RHCG: variants seen among roughly 807,000 people sequenced by gnomAD.
RHCG encodes Rh family C glycoprotein.
Under a neutral mutation model 55.3 loss-of-function variants are expected in RHCG, and 39 were observed. The observed-to-expected ratio is 0.70, with a 90% CI of 0.55 to 0.92. The LOEUF is 0.92. Among genes scored for constraint, RHCG ranks in the 40% least tolerant of loss-of-function variants. The probability of loss-of-function intolerance (pLI) is 0.00; values close to 1 mark genes in which losing one functional copy is unlikely to be tolerated. For synonymous variants in RHCG, 250 were observed against 246.8 expected (o/e 1.01, Z -0.12); for missense variants, 635 against 627.9 (o/e 1.01, Z -0.12).
At chr15:89,478,317 G>C (rs916421919) in intron 5 of RHCG, among the ~76,000 whole-genome samples, 7 of 152,178 alleles carry the variant, frequency 4.6e-5, no homozygotes, top group African/African-American at 1.7e-4. Flanking sequence ...ATGTCTGAAC[G>C]TTCTTGCCAT....
intron 5 of RHCG, among the ~76,000 whole-genome samples, chr15:89,479,102 A>AAAAAC (rs533536120): frequency 5.3e-5 from 8 of 151,696 alleles, no homozygotes; most frequent in South Asian, 2.1e-4. Flanking sequence ...TCCATCTCAA[A>AAAAAC]AAAACAAAAC....
chr15:89,472,040 A>G (rs1008048096), intron 10 of RHCG, among the ~76,000 whole-genome samples, 185 bp from the exon 11 acceptor site: 2 of 152,192 alleles, frequency 1.3e-5, no homozygotes, highest in Non-Finnish European at 2.9e-5. Flanking sequence ...AGCTATTGCC[A>G]AGCTCTGGCC....
intron 1 of RHCG, among the ~76,000 whole-genome samples, chr15:89,488,770 G>C (rs1961419008): frequency 8.7e-6 from 1 of 114,906 alleles, no homozygotes; most frequent in African/African-American, 3.4e-5. Flanking sequence ...GGGGCTGGGA[G>C]AATGGGGGGG....
At chr15:89,491,510 T>C (rs887850451) in intron 1 of RHCG, among the ~76,000 whole-genome samples, 17 of 152,230 alleles carry the variant, frequency 1.1e-4, no homozygotes, top group African/African-American at 3.9e-4. Context: ...CTCATGACTG[T>C]AATCCCAGCA....
chr15:89,495,252 G>T (rs932928835), intron 1 of RHCG, among the ~76,000 whole-genome samples: 1 of 152,158 alleles, frequency 6.6e-6, no homozygotes, highest in Non-Finnish European at 1.5e-5. Context: ...CCCCCCAAAC[G>T]CAGTCTTTTT....
Position 89,477,416 on chromosome 15 carries a change from A to G in RHCG, c.1112+101T>C. ...AACAATTGGTCCAGAGTGGGGAAGG[A>G]AAGGGAGAAAGATGCAGTCGGGTCC... On this transcript the variant is annotated intron_variant, in intron 7 of 10. Transcript: ENST00000268122. The surrounding 1 kb of genome is among the most constrained non-coding windows in gnomAD (Gnocchi z 4.5). 6.6e-7 allele frequency: 1 copy of G among 1,515,108 alleles called. No homozygotes were observed. Among genetic ancestry groups the G allele is most frequent in the Admixed American group, 1.8e-5 (1 of 54,228 alleles). The allele number at this position is 1,515,108 out of a possible 1,614,324, so 93.9% of individuals were successfully genotyped here.
chr15:89,496,317 G>T, intron 1 of RHCG, 44 bp downstream of exon 1: 1 of 1,604,824 alleles, frequency 6.2e-7, no homozygotes, highest in South Asian at 1.1e-5. Context: ...GGTGGGGACC[G>T]GCGCGGATAT....
rs28449700 is a variant in RHCG at position 89,494,665 on chromosome 15, T to C, written c.184+1696A>G. On this transcript the variant is annotated intron_variant, in intron 1 of 10. Coordinates refer to ENST00000268122, the MANE Select transcript of RHCG (RefSeq NM_016321.3). ...TTTTTTTTTTTGAAAGGGAGAGAGA[T>C]AGAGATTCACTCTGTCACCTAGGCT... 8.5e-3 allele frequency among the ~76,000 whole-genome samples: 1,269 copies of C among 149,504 alleles called. 17 individuals carry two copies. The highest frequency in any genetic ancestry group is 0.029 in the African/African-American group (1,185 of 40,380).
At chr15:89,481,924 C>T (rs538061380) in intron 3 of RHCG, among the ~76,000 whole-genome samples, 1 of 152,178 alleles carries the variant, frequency 6.6e-6, no homozygotes, top group African/African-American at 2.4e-5. Flanking sequence ...GCCTCAGCCT[C>T]CAGAGTAGCT....
At position 89,474,796 on chromosome 15, in the gene RHCG, T is replaced by C. The variant is rs866693183; in HGVS notation, c.1312-1933A>G. ...TTCCTTCCTGCCTGCCTTCCTTCCT[T>C]CCTGCCTGCCTTCCTTCCTGCCTGC... is the stretch of plus-strand genomic sequence containing the variant. On this transcript the variant is annotated intron_variant, in intron 9 of 10. Coordinates refer to ENST00000268122, the MANE Select transcript of RHCG (RefSeq NM_016321.3). 1.1e-4 allele frequency among the ~76,000 whole-genome samples: 14 copies of C among 130,256 alleles called. No individual in the cohort carries two copies. In the East Asian group the frequency reaches 3.0e-3, roughly 28 times the overall value. 85.5% of individuals were successfully genotyped at this position (130,256 alleles called of 152,430 possible).
Position 89,486,969 on chromosome 15 carries a change from G to T in RHCG, c.201C>A (p.His67Gln), listed in dbSNP as rs994251083. The stretch of plus-strand genomic sequence containing the variant: ...AGCCGAAGCCCACGAAGACCATCAC[G>T]TGCACGTCCTGGAAGCCTGCGGGGA... ...YYRYPSFQDV[H>Q]VMVFVGFGFL... The change falls in exon 2 of 11, where the codon CAC (histidine) becomes CAA (glutamine). Residue 67 changes from histidine (H) to glutamine (Q), a missense_variant. Physicochemically the swap from His to Gln is conservative, Grantham distance 24 (BLOSUM62 0). Coordinates refer to ENST00000268122, the MANE Select transcript of RHCG (RefSeq NM_016321.3). 6.3e-7 allele frequency: 1 copy of T among 1,599,386 alleles called. No homozygotes were observed. The highest frequency in any genetic ancestry group is 8.6e-7 in the Non-Finnish European group (1 of 1,169,396).
intron 1 of RHCG, among the ~76,000 whole-genome samples, chr15:89,487,227 C>T (rs192816908): frequency 4.2e-4 from 64 of 152,274 alleles, no homozygotes; most frequent in African/African-American, 1.4e-3. Context: ...GAAAGGGAGG[C>T]GCTGGGGGGG....
intron 2 of RHCG, among the ~76,000 whole-genome samples, chr15:89,485,813 G>C (rs1961348128): frequency 6.6e-6 from 1 of 152,158 alleles, no homozygotes; most frequent in Non-Finnish European, 1.5e-5. Flanking sequence ...ATCTCCCAAA[G>C]GTTCTTGAGT....
intron 1 of RHCG, 59 bp from the exon 2 acceptor site, chr15:89,487,044 G>A: frequency 6.8e-7 from 1 of 1,460,220 alleles, no homozygotes; most frequent in East Asian, 2.5e-5. Context: ...CCCAGCCCTG[G>A]GTCTGGGCCA....
intron 4 of RHCG, 173 bp from the exon 5 acceptor site, chr15:89,479,661 C>T (rs1961228898): frequency 1.6e-6 from 1 of 622,890 alleles, no homozygotes. Flanking sequence ...TCCCTGCCTT[C>T]CTTACCCCCC....
At position 89,496,467 on chromosome 15, in the gene RHCG, G is replaced by A. The variant is rs969974655; in HGVS notation, c.78C>T (p.Phe26=). The change falls in exon 1 of 11, where the codon TTC becomes TTT. Residue 26 remains phenylalanine (F), a synonymous_variant. Coordinates refer to ENST00000268122, the MANE Select transcript of RHCG (RefSeq NM_016321.3). ...CGAAGTCGTAGCGCACGAACACCCCGAAGAGAATCACCATAATCACCTGCA... is the reference window on the plus strand; with the variant it reads ...CGAAGTCGTAGCGCACGAACACCCCAAAGAGAATCACCATAATCACCTGCA... The part of the protein sequence containing the change: ...LLLQVIMVIL[F]GVFVRYDFEA... 2 of 1,613,980 alleles carry A rather than the reference G, an allele frequency of 1.2e-6. No individual in the cohort carries two copies. Among genetic ancestry groups the A allele is most frequent in the Non-Finnish European group, 1.7e-6 (2 of 1,179,950 alleles).
intron 1 of RHCG, among the ~76,000 whole-genome samples, chr15:89,493,834 G>A (rs781245814): frequency 1.3e-5 from 2 of 152,100 alleles, no homozygotes; most frequent in Admixed American, 6.5e-5. Flanking sequence ...ACACTTCTCC[G>A]CTCTGGCCTT....
rs1401554274 is a variant in RHCG at position 89,476,833 on chromosome 15, A to G, written c.1238-5T>C. The G allele has an allele frequency of 3.1e-6, 5 of 1,612,544 alleles. No homozygotes were observed. In the African/African-American group the frequency reaches 4.0e-5, roughly 13 times the overall value. ...ATGGTAATCTCAAAATGAGCCCTAC[A>G]GAAAGTTGGAGATTACAGGATGTCA... On this transcript the variant is annotated splice_region_variant and splice_polypyrimidine_tract_variant and intron_variant, in intron 8 of 10. Transcript: ENST00000268122.
chr15:89,486,599 A>AGAGAGAGTGAGTGT, intron 2 of RHCG, 200 bp downstream of exon 2: 4 of 264,462 alleles, frequency 1.5e-5, no homozygotes, highest in Admixed American at 9.6e-5. Flanking sequence ...AGAGAGAGAG[A>AGAGAGAGTGAGTGT]GTGTGTGTGT....
Sources: gnomAD v4.1 joint callset for allele counts (sites outside exome capture counted in the v4.1 genomes callset) on GRCh38, gnomAD v4.1.1 for gene constraint, Gnocchi (gnomAD v3.1) non-coding constraint, MANE v1.5 for transcripts, NCBI Gene and HGNC (gene_info 2026-07-23, HGNC 2026-07-21) for gene names.